The following KCTD19 variants were observed in gnomAD, a reference collection of about 807,000 sequenced individuals.
KCTD19 encodes potassium channel tetramerization domain containing 19.
KCTD19 carries 67 observed loss-of-function variants against 103.5 expected under a neutral mutation model. The observed-to-expected ratio is 0.65, with a 90% confidence interval of 0.53 to 0.79. The LOEUF is 0.79. Ranked by LOEUF, KCTD19 falls within the 30% of genes least tolerant of loss-of-function variation. The probability of loss-of-function intolerance (pLI) is 0.00; values close to 1 mark genes in which losing one functional copy is unlikely to be tolerated. For synonymous variants in KCTD19, 439 were observed against 452.2 expected (o/e 0.97, Z 0.37); for missense variants, 980 against 1,136.1 (o/e 0.86, Z 1.98).
rs897146183 is a variant in KCTD19 at position 67,320,637 on chromosome 16, G to A, written c.252C>T (p.Asn84=). The stretch of plus-strand genomic sequence containing the variant: ...AACCCAATGCTTGCTCATACAGCAA[G>A]TTCAGTTCTGCACAACTGGAGAAGG... The part of the protein sequence containing the change: ...KLSFSSCAEL[N]LLYEQALGLQ... Residue 84 remains asparagine, a synonymous_variant, in exon 2 of 16, where the codon AAC becomes AAT. Coordinates refer to ENST00000304372, the MANE Select transcript of KCTD19 (RefSeq NM_001100915.3). This position sits in a 1 kb window ranked among gnomAD's most constrained non-coding sequence, Gnocchi z 4.0. 1 of 1,614,224 alleles carries A rather than the reference G, an allele frequency of 6.2e-7. No homozygotes were observed. Among genetic ancestry groups the A allele is most frequent in the African/African-American group, 1.3e-5 (1 of 75,048 alleles).
Position 67,320,561 on chromosome 16 carries a change from C to T in KCTD19, c.300+28G>A, listed in dbSNP as rs759374649. 9 of 1,605,028 alleles carry T rather than the reference C, an allele frequency of 5.6e-6. No individual in the cohort carries two copies. Among genetic ancestry groups the T allele is most frequent in the Non-Finnish European group, 6.8e-6 (8 of 1,173,944 alleles). Reference sequence around the variant, plus strand: ...GATGTAAAGCCATGTTACTGATCCACCACTCCCAGAAAACAAGAGCATCTT... The same window carrying T: ...GATGTAAAGCCATGTTACTGATCCATCACTCCCAGAAAACAAGAGCATCTT... On this transcript the variant is annotated intron_variant, in intron 2 of 15. Transcript: ENST00000304372. The surrounding 1 kb of genome is among the most constrained non-coding windows in gnomAD (Gnocchi z 4.0).
rs1352596270 is a variant in KCTD19, at chr16:67,303,173, A to G, written c.616T>C (p.Cys206Arg). 3 of 1,521,786 alleles carry G rather than the reference A, an allele frequency of 2.0e-6. No individual in the cohort carries two copies. In the African/African-American group the frequency reaches 4.3e-5, roughly 22 times the overall value. 94.3% of individuals were successfully genotyped at this position (1,521,786 alleles called of 1,614,324 possible). ...ATGAAGCGGAACTCGCTGCACTCGC[A>G]CTCGATGAGGGCCACCGTCTCAGCC... ...WLAETVALIECECSEFRFIVN... is the reference protein window; with the variant it reads ...WLAETVALIERECSEFRFIVN... The change falls in exon 4 of 16, where the codon TGC (cysteine) becomes CGC (arginine). Residue 206 changes from cysteine (C) to arginine (R), a missense_variant. Physicochemically the swap from Cys to Arg is radical, Grantham distance 180. Coordinates refer to ENST00000304372, the MANE Select transcript of KCTD19 (RefSeq NM_001100915.3). The surrounding 1 kb of genome is among the most constrained non-coding windows in gnomAD (Gnocchi z 4.3).
In KCTD19 at chr16:67,300,194, T is replaced by C. The variant is rs1448802938; in HGVS notation, c.776-621A>G. ...CAGTGGGCACACTGCTGGGGGATGT[T>C]CGTGGATCATCTCCAATCCTCAGAG... On this transcript the variant is annotated intron_variant, in intron 5 of 15. Transcript: ENST00000304372. This position sits in a 1 kb window ranked among gnomAD's most constrained non-coding sequence, Gnocchi z 4.5. 1 of 152,456 alleles carries C rather than the reference T, an allele frequency of 6.6e-6. No individual in the cohort carries two copies. The highest frequency in any genetic ancestry group is 1.9e-4 in the East Asian group (1 of 5,198). The allele number at this position is 152,456 out of a possible 1,614,324, so 9.4% of individuals were successfully genotyped here.
intron 1 of KCTD19, among the ~76,000 whole-genome samples, chr16:67,321,385 C>T (rs1207434887): frequency 2.0e-5 from 3 of 152,078 alleles, no homozygotes; most frequent in African/African-American, 2.4e-5. Flanking sequence ...TACATGTGCA[C>T]TGGAAACTTC....
At chr16:67,314,871 A>G (rs2036992306) in intron 2 of KCTD19, among the ~76,000 whole-genome samples, 1 of 140,432 alleles carries the variant, frequency 7.1e-6, no homozygotes, top group African/African-American at 2.8e-5. Flanking sequence ...AGAGAGAGAG[A>G]GAGGGGAAGG....
chr16:67,304,655 G>T, intron 2 of KCTD19, 84 bp from the exon 3 acceptor site: 6 of 1,215,614 alleles, frequency 4.9e-6, no homozygotes, highest in Non-Finnish European at 7.1e-6. Flanking sequence ...AGGAAAAACA[G>T]TATGTGACTT....
chr16:67,310,661 G>C (rs1159024089), intron 2 of KCTD19, among the ~76,000 whole-genome samples: 1 of 152,208 alleles, frequency 6.6e-6, no homozygotes, highest in African/African-American at 2.4e-5. Context: ...ATGGCACGGG[G>C]AAGTATGTGT....
intron 2 of KCTD19, among the ~76,000 whole-genome samples, chr16:67,306,826 C>CT (rs1254285290): frequency 6.6e-6 from 1 of 152,178 alleles, no homozygotes; most frequent in Non-Finnish European, 1.5e-5. Flanking sequence ...AATTCTGACT[C>CT]TGTCACTTAA....
chr16:67,304,598 T>G, intron 2 of KCTD19, 27 bp from the exon 3 acceptor site: 2 of 1,599,196 alleles, frequency 1.3e-6, no homozygotes, highest in Non-Finnish European at 1.7e-6. Flanking sequence ...AGTACTATCT[T>G]GAGAATCTAA....
chr16:67,308,479 A>T (rs1255570890), intron 2 of KCTD19, among the ~76,000 whole-genome samples: 1 of 151,858 alleles, frequency 6.6e-6, no homozygotes, highest in African/African-American at 2.4e-5. Context: ...TTACCTTTCC[A>T]GCCTCATTTC....
At chr16:67,319,337 C>T (rs2037046892) in intron 2 of KCTD19, among the ~76,000 whole-genome samples, 1 of 152,120 alleles carries the variant, frequency 6.6e-6, no homozygotes, top group Non-Finnish European at 1.5e-5. Flanking sequence ...GAAATGTTCT[C>T]ATTCCTCTAT....
In KCTD19 at chr16:67,301,848, C is replaced by G. The variant is rs1444575040; in HGVS notation, c.718G>C (p.Glu240Gln). ...SNIDVLEAEV[E>Q]ILEIPALTEA... is the part of the protein sequence containing the mutation. ...GTGAGTGCAGGGATTTCCAGAATTTCCACTTCTGCTTCTAATACATCAATG... is the reference window on the plus strand; with the variant it reads ...GTGAGTGCAGGGATTTCCAGAATTTGCACTTCTGCTTCTAATACATCAATG... Residue 240 changes from glutamate (E) to glutamine (Q), a missense_variant, in exon 5 of 16, where the codon GAA becomes CAA. Glu to Gln is a conservative substitution (Grantham distance 29). Coordinates refer to ENST00000304372, the MANE Select transcript of KCTD19 (RefSeq NM_001100915.3). 1 of 1,613,322 alleles carries G rather than the reference C, an allele frequency of 6.2e-7. No individual in the cohort carries two copies. Among genetic ancestry groups the G allele is most frequent in the Non-Finnish European group, 8.5e-7 (1 of 1,179,386 alleles).
chr16:67,291,901 T>G (rs902862230), intron 12 of KCTD19, 64 bp from the exon 13 acceptor site: 4 of 1,165,846 alleles, frequency 3.4e-6, no homozygotes, highest in Non-Finnish European at 2.3e-6. Flanking sequence ...AAGATAGAGT[T>G]TTGCTTTTGT....
In KCTD19 at chr16:67,289,487, G is replaced by A; in HGVS notation, c.*82C>T. ...AAAAATAGACTGATATGTACCCTCT[G>A]ATGGGCACATGCATTCTGGGCTATC... On this transcript the variant is annotated 3_prime_UTR_variant, in exon 16 of 16. Coordinates refer to ENST00000304372, the MANE Select transcript of KCTD19 (RefSeq NM_001100915.3). The A allele has an allele frequency of 1.3e-6, 1 of 790,872 alleles. No individual in the cohort carries two copies. Among genetic ancestry groups the A allele is most frequent in the South Asian group, 1.4e-5 (1 of 69,154 alleles). The allele number at this position is 790,872 out of a possible 1,614,324, so 49.0% of individuals were successfully genotyped here. A position where few individuals can be genotyped will look rare whatever the true frequency, so the allele number is the denominator to read the frequency against.
At chr16:67,316,861 T>C (rs2037018436) in intron 2 of KCTD19, among the ~76,000 whole-genome samples, 1 of 151,790 alleles carries the variant, frequency 6.6e-6, no homozygotes, top group Non-Finnish European at 1.5e-5. Context: ...GTTGGGGGAT[T>C]TGGGGAATGG....
At chr16:67,290,368 C>T (rs962594858) in intron 15 of KCTD19, among the ~76,000 whole-genome samples, 1 of 151,800 alleles carries the variant, frequency 6.6e-6, no homozygotes, top group African/African-American at 2.4e-5. Flanking sequence ...TCAGTAGAGA[C>T]GGGGTTTCAC....
Position 67,303,039 on chromosome 16 carries a change from T to G in KCTD19, c.643+107A>C. The G allele has an allele frequency of 9.2e-7, 1 of 1,088,946 alleles. No individual in the cohort carries two copies. The highest frequency in any genetic ancestry group is 1.3e-6 in the Non-Finnish European group (1 of 745,340). The allele number at this position is 1,088,946 out of a possible 1,614,324, so 67.5% of individuals were successfully genotyped here. On this transcript the variant is annotated intron_variant, in intron 4 of 15. Coordinates refer to ENST00000304372, the MANE Select transcript of KCTD19 (RefSeq NM_001100915.3). This position sits in a 1 kb window ranked among gnomAD's most constrained non-coding sequence, Gnocchi z 4.3. ...TTCCGCTACCTCTGCCCAGGGAAGC[T>G]CCTGAGGCCCTGAGCACCAAGCTGG...
chr16:67,304,296 G>T (rs907028419), intron 3 of KCTD19, 125 bp downstream of exon 3: 1 of 927,718 alleles, frequency 1.1e-6, no homozygotes, highest in African/African-American at 1.6e-5. Flanking sequence ...AAGATCAAAG[G>T]AGATGACAGA....
rs150077027 is a variant in KCTD19, at chr16:67,320,767, T to A, written c.122A>T (p.Lys41Ile). The change falls in exon 2 of 16, where the codon AAA becomes ATA. Residue 41 changes from lysine to isoleucine, a missense_variant. Physicochemically the swap from Lys to Ile is moderately radical, Grantham distance 102. Transcript: ENST00000304372. This position sits in a 1 kb window ranked among gnomAD's most constrained non-coding sequence, Gnocchi z 4.0. ...LSQFPDSLLW[K>I]EASALTSSES... Reference sequence around the variant, plus strand: ...TGAAGAGGTCAAGGCTGAAGCCTCTTTCCACAGCAGGGAGTCTGGAAACTG... The same window carrying A: ...TGAAGAGGTCAAGGCTGAAGCCTCTATCCACAGCAGGGAGTCTGGAAACTG... The A allele has an allele frequency of 1.5e-3, 2,437 of 1,614,164 alleles. 2 individuals carry two copies. Among genetic ancestry groups the A allele is most frequent in the Non-Finnish European group, 1.9e-3 (2,267 of 1,180,012 alleles).
Sources: gnomAD v4.1 joint callset for allele counts (sites outside exome capture counted in the v4.1 genomes callset) on GRCh38, gnomAD v4.1.1 for gene constraint, Gnocchi (gnomAD v3.1) non-coding constraint, MANE v1.5 for transcripts, NCBI Gene and HGNC (gene_info 2026-07-23, HGNC 2026-07-21) for gene names.